Variants in EXOSC10 observed in about 807,000 individuals in gnomAD.
EXOSC10 encodes the protein exosome complex component 10.
EXOSC10 carries 94 observed loss-of-function variants against 126.6 expected under a neutral mutation model. The ratio of observed to expected loss-of-function variants is 0.74; its 90% CI spans 0.63 to 0.88. The LOEUF (loss-of-function observed/expected upper bound fraction) is 0.88, where lower values mean the gene tolerates loss of function less well. EXOSC10 is among the 40% of genes least tolerant of loss of function. EXOSC10 has a pLI of 0.00. For synonymous variants in EXOSC10, 395 were observed against 400.8 expected (o/e 0.99, Z 0.17); for missense variants, 1,041 against 1,100.5 (o/e 0.95, Z 0.77).
At chr1:11,069,953 A>C (rs1326609008) in intron 21 of EXOSC10, among the ~76,000 whole-genome samples, 2 of 152,182 alleles carry the variant, frequency 1.3e-5, no homozygotes, top group Non-Finnish European at 2.9e-5. Context: ...AAAGGCAAGC[A>C]GGCCAGGTGC....
rs957986780 is a variant in EXOSC10, at chr1:11,089,681, G to C, written c.758+873C>G. Among the ~76,000 whole-genome samples the C allele has an allele frequency of 2.0e-5, 3 of 151,732 alleles. 1 individual carries two copies. Among genetic ancestry groups the C allele is most frequent in the African/African-American group, 7.2e-5 (3 of 41,380 alleles). ...AGAAAACATGGGCCAGCTCTGGCCA[G>C]GCACAGTGGTTCATGCCTGTAATCC... On this transcript the variant is annotated intron_variant, in intron 6 of 24. Coordinates refer to ENST00000376936, the MANE Select transcript of EXOSC10 (RefSeq NM_001001998.3).
intron 3 of EXOSC10, among the ~76,000 whole-genome samples, chr1:11,092,936 A>G (rs1640882588): frequency 1.3e-5 from 2 of 152,216 alleles, no homozygotes; most frequent in South Asian, 4.1e-4. Context: ...ACTGTAGACT[A>G]ATGGAAGTTT....
intron 4 of EXOSC10, 74 bp downstream of exon 4, chr1:11,091,419 T>C (rs1370481912): frequency 7.8e-7 from 1 of 1,283,878 alleles, no homozygotes. Flanking sequence ...AGAACAGAAA[T>C]GCATGTTAGA....
At position 11,080,553 on chromosome 1, in the gene EXOSC10, GAAAA is replaced by G. The variant is rs760571890; in HGVS notation, c.1587-8_1587-5del. 0.017 allele frequency: 24,374 copies of G among 1,476,738 alleles called. 391 individuals are homozygous for G. The highest frequency in any genetic ancestry group is 0.02 in the South Asian group (1,726 of 84,328). The allele number at this position is 1,476,738 out of a possible 1,614,324, so 91.5% of individuals were successfully genotyped here. ...CATGTGGTTTGGCAGTACATATCTG[GAAAA>G]AAAAAAACACACACACACACACACA... On this transcript the variant is annotated splice_region_variant and splice_polypyrimidine_tract_variant and intron_variant, in intron 12 of 24. Transcript: ENST00000376936.
At chr1:11,076,814 A>C in intron 17 of EXOSC10, 28 bp downstream of exon 17, 1 of 1,533,750 alleles carries the variant, frequency 6.5e-7, no homozygotes. Context: ...GGTCCTCATC[A>C]CCTCAGTGAA....
intron 3 of EXOSC10, 143 bp from the exon 4 acceptor site, chr1:11,091,740 C>T: frequency 1.7e-6 from 1 of 600,552 alleles, no homozygotes. Context: ...CTCACTGCAA[C>T]TCTTTACAGT....
intron 22 of EXOSC10, chr1:11,068,942 G>C (rs568988774): frequency 1.8e-6 from 1 of 567,328 alleles, no homozygotes; most frequent in Non-Finnish European, 3.1e-6. Context: ...CAGGACCTTA[G>C]GGGCAGGTGG....
At position 11,073,960 on chromosome 1, in the gene EXOSC10, A is replaced by C; in HGVS notation, c.2131T>G (p.Phe711Val). The change falls in exon 19 of 25, where the codon TTC becomes GTC. Residue 711 changes from phenylalanine (F) to valine (V), a missense_variant. Around this residue, in one of 3 missense-constraint regions of EXOSC10, gnomAD observed 388 missense variants for 415.2 expected, o/e 0.93. Coordinates refer to ENST00000376936, the MANE Select transcript of EXOSC10 (RefSeq NM_001001998.3). ...TCATAGATTTTGGTTGATGGATCGAACTTCGCTGCCTGAGAGACGGGAGCA... is the reference window on the plus strand; with the variant it reads ...TCATAGATTTTGGTTGATGGATCGACCTTCGCTGCCTGAGAGACGGGAGCA... Reference protein sequence around the residue: ...HRAPVSQAAKFDPSTKIYEIS... With the variant: ...HRAPVSQAAKVDPSTKIYEIS... 6.2e-7 allele frequency: 1 copy of C among 1,613,686 alleles called. No individual in the cohort carries two copies.
At chr1:11,074,175 G>A (rs1004795065) in intron 18 of EXOSC10, 56 bp downstream of exon 18, 29 of 1,469,518 alleles carry the variant, frequency 2.0e-5, no homozygotes, top group Non-Finnish European at 2.8e-5. Context: ...GTAAAAGCAT[G>A]TACAGCTGTA....
At chr1:11,082,976 AGGTAGTCTC>A in intron 9 of EXOSC10, 98 bp from the exon 10 acceptor site, 1 of 979,406 alleles carries the variant, frequency 1.0e-6, no homozygotes, top group Admixed American at 1.9e-5. Flanking sequence ...TGAAATTAGA[AGGTAGTCTC>A]CGCTGTCCCA....
intron 8 of EXOSC10, 49 bp from the exon 9 acceptor site, chr1:11,087,640 A>G (rs1238635154): frequency 6.3e-6 from 10 of 1,597,958 alleles, no homozygotes; most frequent in Non-Finnish European, 8.5e-6. Context: ...AGATTATATT[A>G]GACTTTCCTT....
intron 7 of EXOSC10, 38 bp downstream of exon 7, chr1:11,088,082 GGCT>G: frequency 6.7e-7 from 1 of 1,496,660 alleles, no homozygotes; most frequent in Middle Eastern, 1.7e-4. Context: ...ATTCCTCTTG[GGCT>G]ACTACACGGC....
At chr1:11,070,615 C>A (rs938620789) in intron 21 of EXOSC10, 7 of 324,190 alleles carry the variant, frequency 2.2e-5, no homozygotes, top group Non-Finnish European at 3.9e-5. Context: ...GGACACACAA[C>A]AAGCTTCAGC....
At chr1:11,079,201 T>C (rs1028858150) in intron 14 of EXOSC10, among the ~76,000 whole-genome samples, 8 of 151,242 alleles carry the variant, frequency 5.3e-5, no homozygotes, top group East Asian at 2.0e-4. Context: ...TGGTGGTGCA[T>C]GCCTGTAATC....
Position 11,069,244 on chromosome 1 carries a change from T to TGTGTGTGTGTGTGTGTGAGAGAGAGAGA in EXOSC10, c.2488+314_2488+315insTCTCTCTCTCTCACACACACACACACAC. 1.6e-4 allele frequency among the ~76,000 whole-genome samples: 19 copies of TGTGTGTGTGTGTGTGTGAGAGAGAGAGA among 116,896 alleles called. No homozygotes were observed. The South Asian group carries it at 2.2e-3, about 13-fold the overall frequency. The allele number at this position is 116,896 out of a possible 152,430, so 76.7% of individuals were successfully genotyped here. ...ACAAAATTCTGTGTGTGTGTGTGTG[T>TGTGTGTGTGTGTGTGTGAGAGAGAGAGA]GAGAGAGAGAGAGAGGGTTTATGGG... On this transcript the variant is annotated intron_variant, in intron 22 of 24. Coordinates refer to ENST00000376936, the MANE Select transcript of EXOSC10 (RefSeq NM_001001998.3).
chr1:11,082,058 G>A (rs1027327580), intron 10 of EXOSC10, among the ~76,000 whole-genome samples: 3 of 150,920 alleles, frequency 2.0e-5, no homozygotes, highest in Non-Finnish European at 4.4e-5. Context: ...CTCCAGCCTG[G>A]GCAACAGTGA....
intron 19 of EXOSC10, among the ~76,000 whole-genome samples, chr1:11,073,415 A>C (rs1461623194): frequency 6.6e-6 from 1 of 152,104 alleles, no homozygotes; most frequent in Non-Finnish European, 1.5e-5. Context: ...TACAGGCGTG[A>C]GCCACCATGC....
intron 3 of EXOSC10, among the ~76,000 whole-genome samples, chr1:11,095,080 T>C (rs1210494934): frequency 6.6e-6 from 1 of 151,912 alleles, no homozygotes; most frequent in Admixed American, 6.6e-5. Context: ...GGAATAGTGG[T>C]GGGTGCCTGT....
chr1:11,074,782 G>A (rs779161739), intron 17 of EXOSC10, among the ~76,000 whole-genome samples: 18 of 152,150 alleles, frequency 1.2e-4, no homozygotes, highest in Non-Finnish European at 2.5e-4. Context: ...TGTATAAGGT[G>A]TTGTGTCTGC....
Sources: gnomAD v4.1 joint callset for allele counts (sites outside exome capture counted in the v4.1 genomes callset) on GRCh38, gnomAD v4.1.1 for gene constraint, gnomAD v4.1.1 regional missense constraint, MANE v1.5 for transcripts, NCBI Gene and HGNC (gene_info 2026-07-23, HGNC 2026-07-21) for gene names.